WNT5A: variants seen among roughly 807,000 people sequenced by gnomAD.
WNT5A encodes the protein Wnt family member 5A.
WNT5A carries 9 observed loss-of-function variants against 42.1 expected under a neutral mutation model. That is an observed-to-expected ratio of 0.21 (90% CI 0.13 to 0.37). WNT5A has a LOEUF of 0.37. Ranked by LOEUF, WNT5A falls within the 10% of genes least tolerant of loss-of-function variation. WNT5A has a pLI of 1.00. For synonymous variants in WNT5A, 210 were observed against 210.0 expected (o/e 1.00, Z 0.00); for missense variants, 426 against 534.0 (o/e 0.80, Z 1.99).
At chr3:55,481,100 G>A (rs1203291446) in intron 1 of WNT5A, 182 bp from the exon 2 acceptor site, 2 of 718,338 alleles carry the variant, frequency 2.8e-6, no homozygotes, top group Admixed American at 4.3e-5. Context: ...ATCCACCCAC[G>A]CAACCTCACC....
rs1294660921 is a variant in WNT5A, at chr3:55,475,049, C to T, written c.392-420G>A. ...GCCAAGCAAGATCCCCCAAAACACA[C>T]AGAAGCAACAATTAACAAAGGAGTA... is the stretch of plus-strand genomic sequence containing the variant. On this transcript the variant is annotated intron_variant, in intron 3 of 4. Coordinates refer to ENST00000264634, the MANE Select transcript of WNT5A (RefSeq NM_003392.7). Among the ~76,000 whole-genome samples the T allele has an allele frequency of 2.0e-5, 3 of 152,042 alleles. No homozygotes were observed. The East Asian group carries it at 5.8e-4, about 29-fold the overall frequency.
upstream of WNT5A, among the ~76,000 whole-genome samples, chr3:55,495,002 G>C (rs946389948): frequency 1.3e-5 from 2 of 152,084 alleles, no homozygotes; most frequent in Non-Finnish European, 2.9e-5. Context: ...CAAATCTCAA[G>C]ACTACCACAT....
the WNT5A span, among the ~76,000 whole-genome samples, chr3:55,499,445 C>T: frequency 6.6e-5 from 10 of 152,228 alleles, no homozygotes; most frequent in African/African-American, 2.2e-4. Flanking sequence ...CTGTGACCTA[C>T]ACCTACACCT....
the WNT5A span, among the ~76,000 whole-genome samples, chr3:55,496,126 C>T: frequency 6.8e-6 from 1 of 147,836 alleles, no homozygotes; most frequent in Admixed American, 6.7e-5. Context: ...TTCTAAACAG[C>T]AGAATTAAAT....
chr3:55,475,700 G>A (rs1035375625), intron 3 of WNT5A, among the ~76,000 whole-genome samples: 8 of 152,050 alleles, frequency 5.3e-5, no homozygotes, highest in African/African-American at 1.7e-4. Flanking sequence ...CAACCTATGG[G>A]GAAAAGAGGG....
rs2051370043 is a variant in WNT5A at position 55,477,027 on chromosome 3, G to A, written c.391+2287C>T. 2.0e-5 allele frequency among the ~76,000 whole-genome samples: 3 copies of A among 152,260 alleles called. No homozygotes were observed. In the South Asian group the frequency reaches 6.2e-4, roughly 32 times the overall value. ...TGGCATCTTAGAAAAATGAGTTGAG[G>A]AGGGGGTCAGAGGTGGCGGCCTGAA... On this transcript the variant is annotated intron_variant, in intron 3 of 4. Transcript: ENST00000264634.
Position 55,479,446 on chromosome 3 carries a change from G to C in WNT5A, c.259C>G (p.Gln87Glu), listed in dbSNP as rs780270891. The C allele has an allele frequency of 1.9e-6, 3 of 1,614,024 alleles. No homozygotes were observed. Among genetic ancestry groups the C allele is most frequent in the Non-Finnish European group, 2.5e-6 (3 of 1,179,898 alleles). ...QGQKKLCHLY[Q>E]DHMQYIGEGA... ...TCTCCGATGTACTGCATGTGGTCCT[G>C]ATACAAGTGGCACAGTTTCTTCTGT... Residue 87 changes from glutamine (Q) to glutamate (E), a missense_variant, in exon 3 of 5, where the codon CAG becomes GAG. Around this residue, in one of 3 missense-constraint regions of WNT5A, gnomAD observed 358 missense variants for 468.1 expected, o/e 0.76. Coordinates refer to ENST00000264634, the MANE Select transcript of WNT5A (RefSeq NM_003392.7).
chr3:55,491,582 G>A (rs652594), upstream of WNT5A, among the ~76,000 whole-genome samples: 29,978 of 152,200 alleles, frequency 0.2, 3,324 homozygotes, highest in African/African-American at 0.29. Flanking sequence ...TCCCAGCAGG[G>A]GAAAGCAGGG....
At chr3:55,495,884 CA>C in the WNT5A span, among the ~76,000 whole-genome samples, 1 of 152,158 alleles carries the variant, frequency 6.6e-6, no homozygotes, top group Admixed American at 6.5e-5. Context: ...AATAGTTCAA[CA>C]TTTCTAAGTG....
At position 55,467,184 on chromosome 3, in the gene WNT5A, AAC is replaced by A. The variant is rs1234427237; in HGVS notation, c.*2906_*2907del. On this transcript the variant is annotated 3_prime_UTR_variant, in exon 5 of 5. Transcript: ENST00000264634. ...GAGAGGTGCAATAGTTGCAGTGGTA[AAC>A]ACACAAAAAAATACATTTTTTTGGA... The A allele has an allele frequency of 6.6e-6, 1 of 152,412 alleles. No individual in the cohort carries two copies. The highest frequency in any genetic ancestry group is 1.5e-5 in the Non-Finnish European group (1 of 68,018). The allele number at this position is 152,412 out of a possible 1,614,324, so 9.4% of individuals were successfully genotyped here. A position where few individuals can be genotyped will look rare whatever the true frequency, so the allele number is the denominator to read the frequency against.
chr3:55,484,556 C>G (rs1042969880), intron 1 of WNT5A, among the ~76,000 whole-genome samples: 5 of 152,148 alleles, frequency 3.3e-5, no homozygotes, highest in African/African-American at 1.2e-4. Context: ...GCCGCCCAGG[C>G]CTCAACACTG....
At chr3:55,473,101 T>C (rs1191184554) in intron 4 of WNT5A, among the ~76,000 whole-genome samples, 1 of 152,212 alleles carries the variant, frequency 6.6e-6, no homozygotes, top group Non-Finnish European at 1.5e-5. Flanking sequence ...TGCTAGCTCT[T>C]CATCTCTTAG....
At position 55,487,051 on chromosome 3, in the gene WNT5A, G is replaced by C; in HGVS notation, c.-66C>G. 1 of 1,530,656 alleles carries C rather than the reference G, an allele frequency of 6.5e-7. No homozygotes were observed. The allele number at this position is 1,530,656 out of a possible 1,614,324, so 94.8% of individuals were successfully genotyped here. A position where few individuals can be genotyped will look rare whatever the true frequency, so the allele number is the denominator to read the frequency against. ...GCGAGCGCAGCCGAGGAATCCGAGC[G>C]GAGCGACCGGGTTAAGCCTGGGGGG... On this transcript the variant is annotated 5_prime_UTR_variant, in exon 1 of 5. Transcript: ENST00000264634.
upstream of WNT5A, among the ~76,000 whole-genome samples, chr3:55,489,666 G>T (rs888742680): frequency 2.0e-5 from 3 of 152,180 alleles, no homozygotes; most frequent in Admixed American, 2.0e-4. Flanking sequence ...TTCCCCCAGG[G>T]CGTGTGCGGC....
chr3:55,502,486 A>G, the WNT5A span, among the ~76,000 whole-genome samples: 76 of 152,350 alleles, frequency 5.0e-4, no homozygotes, highest in African/African-American at 1.8e-3. Flanking sequence ...AGCTAAAAAC[A>G]TAATGTTCAG....
At chr3:55,492,381 C>T (rs2051669955), upstream of WNT5A, among the ~76,000 whole-genome samples, 1 of 152,094 alleles carries the variant, frequency 6.6e-6, no homozygotes, top group South Asian at 2.1e-4. Context: ...ATTTTCTCAC[C>T]TCTACAGTGG....
upstream of WNT5A, among the ~76,000 whole-genome samples, chr3:55,494,390 T>C (rs1340661319): frequency 6.6e-6 from 1 of 152,080 alleles, no homozygotes; most frequent in Non-Finnish European, 1.5e-5. Flanking sequence ...AAGTGGAGTG[T>C]TTTCAAAGTT....
At chr3:55,481,912 C>A (rs1184974611) in intron 1 of WNT5A, among the ~76,000 whole-genome samples, 4 of 152,220 alleles carry the variant, frequency 2.6e-5, no homozygotes, top group African/African-American at 9.6e-5. Flanking sequence ...CCACCCCACA[C>A]CTGGCAGCTG....
intron 1 of WNT5A, among the ~76,000 whole-genome samples, chr3:55,485,555 C>T (rs571230113): frequency 6.6e-6 from 1 of 152,226 alleles, no homozygotes; most frequent in East Asian, 1.9e-4. Context: ...ACACATTTGT[C>T]GGCCCGCGGT....
Sources: gnomAD v4.1 joint callset for allele counts (sites outside exome capture counted in the v4.1 genomes callset) on GRCh38, gnomAD v4.1.1 for gene constraint, gnomAD v4.1.1 regional missense constraint, MANE v1.5 for transcripts, NCBI Gene and HGNC (gene_info 2026-07-23, HGNC 2026-07-21) for gene names.